Variants in M1AP observed in about 807,000 individuals in gnomAD.
M1AP encodes meiosis 1 associated protein, also known as meiosis 1 arrest protein.
In M1AP, 39 loss-of-function variants were observed where a neutral mutation model predicts 51.2. The ratio of observed to expected loss-of-function variants is 0.76; its 90% CI spans 0.59 to 1.00. The LOEUF (loss-of-function observed/expected upper bound fraction) is 1.00, where lower values mean the gene tolerates loss of function less well. M1AP is among the 50% of genes least tolerant of loss of function. The pLI is 0.00. For missense variants in M1AP, 545 were observed against 641.2 expected (o/e 0.85, Z 1.62); for synonymous variants, 251 against 249.2 (o/e 1.01, Z -0.07).
At chr2:74,605,671 C>G (rs1232628521) in intron 4 of M1AP, among the ~76,000 whole-genome samples, 1 of 152,014 alleles carries the variant, frequency 6.6e-6, no homozygotes, top group African/African-American at 2.4e-5. Flanking sequence ...GAGGCTGAGG[C>G]GGGCAGATCA....
intron 3 of M1AP, among the ~76,000 whole-genome samples, chr2:74,611,204 G>A (rs1681317976): frequency 6.6e-6 from 1 of 152,158 alleles, no homozygotes; most frequent in African/African-American, 2.4e-5. Context: ...AATGAGTCTG[G>A]AAGAATTCTC....
intron 2 of M1AP, among the ~76,000 whole-genome samples, chr2:74,622,924 A>C (rs1328126968): frequency 2.6e-5 from 4 of 151,314 alleles, no homozygotes; most frequent in Admixed American, 2.6e-4. Context: ...AAAGAAAATA[A>C]ATAGATTATA....
chr2:74,573,112 T>C (rs1678847663), intron 7 of M1AP, among the ~76,000 whole-genome samples: 1 of 152,088 alleles, frequency 6.6e-6, no homozygotes, highest in South Asian at 2.1e-4. Flanking sequence ...AGTGGCACGA[T>C]TTCGGCTCAC....
intron 1 of M1AP, 102 bp from the exon 2 acceptor site, chr2:74,640,429 C>A (rs1258114797): frequency 4.1e-6 from 4 of 971,936 alleles, no homozygotes; most frequent in African/African-American, 1.7e-5. Flanking sequence ...AGAAAGGAGT[C>A]AGATTGGGTA....
At chr2:74,565,825 T>TCA (rs72206117) in intron 7 of M1AP, among the ~76,000 whole-genome samples, 10,946 of 137,962 alleles carry the variant, frequency 0.079, 435 homozygotes, top group Non-Finnish European at 0.1. Context: ...TGAGATGCCG[T>TCA]CACACACACA....
chr2:74,577,766 A>G (rs1391852894), intron 5 of M1AP, among the ~76,000 whole-genome samples: 1 of 152,062 alleles, frequency 6.6e-6, no homozygotes, highest in Non-Finnish European at 1.5e-5. Context: ...GCTTCCTCTT[A>G]TTTCCTCTGT....
At chr2:74,594,255 A>G (rs1184074951) in intron 4 of M1AP, among the ~76,000 whole-genome samples, 1 of 152,236 alleles carries the variant, frequency 6.6e-6, no homozygotes, top group East Asian at 1.9e-4. Flanking sequence ...CTGAGACAGA[A>G]AACTATGACT....
intron 2 of M1AP, among the ~76,000 whole-genome samples, chr2:74,638,592 C>T (rs1683115847): frequency 6.6e-6 from 1 of 152,116 alleles, no homozygotes; most frequent in African/African-American, 2.4e-5. Context: ...TTGGATCAGT[C>T]GTTCTGGGAG....
chr2:74,618,055 A>G (rs1403851089), intron 2 of M1AP, among the ~76,000 whole-genome samples: 1 of 152,260 alleles, frequency 6.6e-6, no homozygotes, highest in Non-Finnish European at 1.5e-5. Context: ...TTGAAGCTAC[A>G]GTCTTATTCT....
chr2:74,606,741 T>C (rs1439994222), intron 4 of M1AP, among the ~76,000 whole-genome samples: 1 of 152,088 alleles, frequency 6.6e-6, no homozygotes, highest in Non-Finnish European at 1.5e-5. Flanking sequence ...TGAAATAAAA[T>C]GATTATTAAA....
chr2:74,564,870 T>G (rs1678271498), intron 7 of M1AP, among the ~76,000 whole-genome samples: 1 of 152,218 alleles, frequency 6.6e-6, no homozygotes, highest in Admixed American at 6.5e-5. Context: ...AGTATTATTT[T>G]AAATCTTCTA....
chr2:74,640,225 A>G lies in M1AP; in HGVS notation c.51T>C (p.Ile17=). The part of the protein sequence containing the change: ...TGKGPSTHTQ[I]DQQPPRLLIV... The stretch of plus-strand genomic sequence containing the variant: ...TGAGAAGCCGTGGAGGTTGCTGGTC[A>G]ATCTGAGTGTGAGTAGAGGGCCCTT... The change falls in exon 2 of 11, where the codon ATT becomes ATC. Residue 17 remains isoleucine (I), a synonymous_variant. Transcript: ENST00000421985. 6.2e-7 allele frequency: 1 copy of G among 1,614,136 alleles called. No homozygotes were observed. The highest frequency in any genetic ancestry group is 1.1e-5 in the South Asian group (1 of 91,078).
intron 4 of M1AP, among the ~76,000 whole-genome samples, chr2:74,590,705 G>A (rs888929603): frequency 1.5e-4 from 23 of 152,236 alleles, no homozygotes; most frequent in African/African-American, 5.3e-4. Context: ...CTGGAGCCAC[G>A]GAAGTGTTCC....
intron 6 of M1AP, 36 bp downstream of exon 6, chr2:74,576,420 A>G: frequency 1.2e-6 from 2 of 1,607,924 alleles, no homozygotes; most frequent in African/African-American, 1.3e-5. Context: ...TAAGAATAGC[A>G]TTTGCATGGA....
At chr2:74,600,769 T>A (rs1272034080) in intron 4 of M1AP, among the ~76,000 whole-genome samples, 1 of 152,200 alleles carries the variant, frequency 6.6e-6, no homozygotes, top group Non-Finnish European at 1.5e-5. Context: ...CAAAAAATTA[T>A]ATACATGAAT....
chr2:74,565,972 C>T (rs1373445130), intron 7 of M1AP, among the ~76,000 whole-genome samples: 1 of 152,174 alleles, frequency 6.6e-6, no homozygotes, highest in African/African-American at 2.4e-5. Flanking sequence ...AAAAAATCCA[C>T]AGCTAACCTC....
intron 1 of M1AP, among the ~76,000 whole-genome samples, chr2:74,646,365 A>G (rs1470154279): frequency 1.3e-5 from 2 of 152,244 alleles, no homozygotes; most frequent in South Asian, 2.1e-4. Flanking sequence ...ACAGCTGACT[A>G]TGAGAGTGTT....
intron 2 of M1AP, among the ~76,000 whole-genome samples, chr2:74,629,730 C>T (rs191111729): frequency 8.6e-5 from 13 of 150,852 alleles, no homozygotes; most frequent in Admixed American, 2.0e-4. Context: ...CTAGCCCGGG[C>T]GGCAGAGCAA....
rs1264117380 is a variant in M1AP, at chr2:74,558,060, A to T, written c.*656T>A. On this transcript the variant is annotated 3_prime_UTR_variant, in exon 11 of 11. Transcript: ENST00000421985. ...CCAGAGTAAACATTTTATAAATGGTAGCTATTATTCTGTGGATGGAGGGAG... is the reference window on the plus strand; with the variant it reads ...CCAGAGTAAACATTTTATAAATGGTTGCTATTATTCTGTGGATGGAGGGAG... The T allele has an allele frequency of 3.9e-5, 6 of 152,104 alleles. No homozygotes were observed. The highest frequency in any genetic ancestry group is 3.9e-4 in the Admixed American group (6 of 15,252). The allele number at this position is 152,104 out of a possible 1,614,324, so 9.4% of individuals were successfully genotyped here.
Sources: gnomAD v4.1 joint callset for allele counts (sites outside exome capture counted in the v4.1 genomes callset) on GRCh38, gnomAD v4.1.1 for gene constraint, MANE v1.5 for transcripts, NCBI Gene and HGNC (gene_info 2026-07-23, HGNC 2026-07-21) for gene names.